The following ATP13A2 variants were observed in gnomAD, a reference collection of about 807,000 sequenced individuals.
The protein encoded by ATP13A2 is polyamine-transporting ATPase 13A2.
ATP13A2 carries 83 observed loss-of-function variants against 138.3 expected under a neutral mutation model. The ratio of observed to expected loss-of-function variants is 0.60; its 90% confidence interval spans 0.50 to 0.72. ATP13A2 has a LOEUF of 0.72. ATP13A2 is among the 30% of genes least tolerant of loss of function. The pLI is 0.00. For synonymous variants in ATP13A2, 663 were observed against 699.0 expected, an observed-to-expected ratio of 0.95 and a Z score of 0.81; for missense variants, 1,402 against 1,606.4, an observed-to-expected ratio of 0.87 and a Z score of 2.17.
chr1:17,010,947 T>C (rs2077763841), intron 1 of ATP13A2, among the ~76,000 whole-genome samples: 2 of 152,274 alleles, frequency 1.3e-5, no homozygotes, highest in South Asian at 4.1e-4. Context: ...GTGAACCATC[T>C]TCCCATCTTT....
chr1:16,994,184 G>GCTCTCTCTCGCTCGCTCTCTCTCTCTCT (rs1553167821), intron 15 of ATP13A2, among the ~76,000 whole-genome samples: 6 of 148,400 alleles, frequency 4.0e-5, no homozygotes, highest in African/African-American at 1.2e-4. Flanking sequence ...CGGTTGGCTC[G>GCTCTCTCTCGCTCGCTCTCTCTCTCTCT]CTCTCTCTCT....
chr1:17,003,219 T>C (rs1336941936), intron 6 of ATP13A2, among the ~76,000 whole-genome samples: 3 of 152,138 alleles, frequency 2.0e-5, no homozygotes. Flanking sequence ...ACAAACTCCC[T>C]GCCCTTGAGC....
chr1:16,996,589 G>T, intron 12 of ATP13A2, 93 bp from the exon 13 acceptor site: 2 of 980,462 alleles, frequency 2.0e-6, no homozygotes, highest in Non-Finnish European at 3.2e-6. Context: ...CTCTGGAGTT[G>T]CAAGACATGA....
rs955054917 is a variant in ATP13A2, at chr1:16,995,665, T to C, written c.1542+311A>G. 2.3e-6 allele frequency: 1 copy of C among 432,980 alleles called. No individual in the cohort carries two copies. Among genetic ancestry groups the C allele is most frequent in the East Asian group, 5.0e-5 (1 of 19,926 alleles). The allele number at this position is 432,980 out of a possible 1,614,324, so 26.8% of individuals were successfully genotyped here. ...TTTGCCATGTTGGTCAGGCTGGTCT[T>C]GAACTCCTGACCTCAAGTGATGTAT... On this transcript the variant is annotated intron_variant, in intron 15 of 28. Transcript: ENST00000326735. The surrounding 1 kb of genome is among the most constrained non-coding windows in gnomAD (Gnocchi z 4.1).
rs2077474158 is a variant in ATP13A2, at chr1:17,004,427, G to A, written c.478-16C>T. On this transcript the variant is annotated splice_polypyrimidine_tract_variant and intron_variant, in intron 5 of 28. Transcript: ENST00000326735. The surrounding 1 kb of genome is among the most constrained non-coding windows in gnomAD (Gnocchi z 4.1). ...GCACCCGCTTCTGGGTGGGAGAGAG[G>A]AGAGGATGGGTTGGAAGCTGGCCCC... 2 of 1,613,812 alleles carry A rather than the reference G, an allele frequency of 1.2e-6. No individual in the cohort carries two copies. Among genetic ancestry groups the A allele is most frequent in the Non-Finnish European group, 1.7e-6 (2 of 1,179,870 alleles).
rs1370116577 is a variant in ATP13A2, at chr1:16,987,233, T to C, written c.2896A>G (p.Ile966Val). 1.9e-6 allele frequency: 3 copies of C among 1,613,832 alleles called. No homozygotes were observed. The highest frequency in any genetic ancestry group is 3.3e-5 in the Admixed American group (2 of 60,016). The change falls in exon 26 of 29, where the codon ATC (isoleucine) becomes GTC (valine). Residue 966 changes from isoleucine (I) to valine (V), a missense_variant. Coordinates refer to ENST00000326735, the MANE Select transcript of ATP13A2 (RefSeq NM_022089.4). The part of the protein sequence containing the change: ...TNLGDLQFLA[I>V]DLVITTTVAV... ...ACTGTGGTGGTGATGACCAGGTCGATGGCCAGGAACTGCAGGTCACCCAGG... is the reference window on the plus strand; with the variant it reads ...ACTGTGGTGGTGATGACCAGGTCGACGGCCAGGAACTGCAGGTCACCCAGG...
intron 11 of ATP13A2, 88 bp downstream of exon 11, chr1:16,999,922 AG>A (rs1456048037): frequency 2.1e-6 from 3 of 1,459,638 alleles, no homozygotes; most frequent in Non-Finnish European, 2.7e-6. Context: ...AAAAAGGAAA[AG>A]GAAACTCAAA....
At position 16,997,160 on chromosome 1, in the gene ATP13A2, A is replaced by C. The variant is rs1216740223; in HGVS notation, c.1055T>G (p.Val352Gly). The change falls in exon 12 of 29, where the codon GTG becomes GGG. Residue 352 changes from valine (V) to glycine (G), a missense_variant. By Grantham distance (109) the Val-to-Gly change is moderately radical. Transcript: ENST00000326735. ...CCCCTCCGGCAGTGCCGTCTTCAGCACTGGAATGCTCTCTCCTGGTGGGGA... is the reference window on the plus strand; with the variant it reads ...CCCCTCCGGCAGTGCCGTCTTCAGCCCTGGAATGCTCTCTCCTGGTGGGGA... ...ESSLTGESIP[V>G]LKTALPEGLG... The C allele has an allele frequency of 1.9e-6, 3 of 1,613,524 alleles. No homozygotes were observed. Among genetic ancestry groups the C allele is most frequent in the Middle Eastern group, 1.7e-4 (1 of 6,056 alleles).
intron 1 of ATP13A2, among the ~76,000 whole-genome samples, chr1:17,007,857 T>C (rs1457397889): frequency 4.6e-5 from 7 of 151,634 alleles, no homozygotes; most frequent in African/African-American, 1.7e-4. Flanking sequence ...GGCGAGCCCT[T>C]CTAAAATTTC....
In ATP13A2 at chr1:16,996,019, C is replaced by A. The variant is rs759299413; in HGVS notation, c.1499G>T (p.Arg500Leu). ...RQGIFCIHPL[R>L]INLGGKLQLV... ...CTGCAGCTTGCCCCCCAGGTTGATG[C>A]GCAGTGGGTGGATGCAGAAAATGCC... Residue 500 changes from arginine to leucine, a missense_variant, in exon 15 of 29, where the codon CGC (arginine) becomes CTC (leucine). Physicochemically the swap from Arg to Leu is moderately radical, Grantham distance 102. Coordinates refer to ENST00000326735, the MANE Select transcript of ATP13A2 (RefSeq NM_022089.4). 4 of 1,614,088 alleles carry A rather than the reference C, an allele frequency of 2.5e-6. No homozygotes were observed. The highest frequency in any genetic ancestry group is 3.4e-6 in the Non-Finnish European group (4 of 1,180,038).
At chr1:17,003,058 C>G (rs537596430) in intron 6 of ATP13A2, among the ~76,000 whole-genome samples, 1 of 152,280 alleles carries the variant, frequency 6.6e-6, no homozygotes, top group Non-Finnish European at 1.5e-5. Flanking sequence ...TCCTCACTCC[C>G]TGTGTGAGGT....
chr1:16,986,714 C>T lies in ATP13A2; in HGVS notation c.3236-82G>A, dbSNP rs560436144. On this transcript the variant is annotated intron_variant, in intron 27 of 28. Transcript: ENST00000326735. The surrounding 1 kb of genome is among the most constrained non-coding windows in gnomAD (Gnocchi z 6.9). ...CACGTGTGCACGCCAGTCTTCCACT[C>T]GGCCGGCACCTCTCTCCCATCTGCC... is the stretch of plus-strand genomic sequence containing the variant. 458 of 1,569,366 alleles carry T rather than the reference C, an allele frequency of 2.9e-4. 1 individual carries two copies. In the African/African-American group the frequency reaches 5.5e-3, roughly 19 times the overall value.
Position 16,986,689 on chromosome 1 carries a change from C to T in ATP13A2, c.3236-57G>A. On this transcript the variant is annotated intron_variant, in intron 27 of 28. Transcript: ENST00000326735. This position sits in a 1 kb window ranked among gnomAD's most constrained non-coding sequence, Gnocchi z 6.9. ...CACGCCCCCCCGGCACCCACAGACACACGTGTGCACGCCAGTCTTCCACTC... is the reference window on the plus strand; with the variant it reads ...CACGCCCCCCCGGCACCCACAGACATACGTGTGCACGCCAGTCTTCCACTC... 1.9e-6 allele frequency: 3 copies of T among 1,570,148 alleles called. No homozygotes were observed. Among genetic ancestry groups the T allele is most frequent in the Non-Finnish European group, 2.6e-6 (3 of 1,162,508 alleles).
In ATP13A2 at chr1:17,005,009, C is replaced by T. The variant is rs764094548; in HGVS notation, c.347+5G>A. The T allele has an allele frequency of 6.2e-7, 1 of 1,613,864 alleles. No homozygotes were observed. Among genetic ancestry groups the T allele is most frequent in the Non-Finnish European group, 8.5e-7 (1 of 1,179,976 alleles). On this transcript the variant is annotated splice_donor_5th_base_variant and intron_variant, in intron 4 of 28. Transcript: ENST00000326735. Reference sequence around the variant, plus strand: ...TTCTGGGAAGGGGCAATGGGGCTGCCTCACCTGCCCTCGCCGATGGCCTCA... The same window carrying T: ...TTCTGGGAAGGGGCAATGGGGCTGCTTCACCTGCCCTCGCCGATGGCCTCA...
rs770434494 is a variant in ATP13A2 at position 16,989,776 on chromosome 1, A to G, written c.2530-6T>C. On this transcript the variant is annotated splice_region_variant and splice_polypyrimidine_tract_variant and intron_variant, in intron 22 of 28. Transcript: ENST00000326735. Reference sequence around the variant, plus strand: ...ACAGTGCCCTGGACCAGGACCTGGGAGCACAGGGAGATGGGGGAGGGCTGA... The same window carrying G: ...ACAGTGCCCTGGACCAGGACCTGGGGGCACAGGGAGATGGGGGAGGGCTGA... 4 of 1,613,826 alleles carry G rather than the reference A, an allele frequency of 2.5e-6. No homozygotes were observed. The East Asian group carries it at 8.9e-5, about 36-fold the overall frequency.
chr1:16,996,708 C>A, intron 12 of ATP13A2: 1 of 619,090 alleles, frequency 1.6e-6, no homozygotes. Context: ...CATCTAAACA[C>A]TGGGTGGTTC....
At position 16,993,713 on chromosome 1, in the gene ATP13A2, C is replaced by T. The variant is rs2100816612; in HGVS notation, c.1665G>A (p.Leu555=). 6.3e-7 allele frequency: 1 copy of T among 1,593,914 alleles called. No homozygotes were observed. The highest frequency in any genetic ancestry group is 8.5e-7 in the Non-Finnish European group (1 of 1,171,004). The change falls in exon 16 of 29, where the codon CTG becomes CTA. Residue 555 remains leucine (L), a synonymous_variant. Transcript: ENST00000326735. ...RLPVGPLLRA[L]ATCHALSRLQ... ...GCCGGCTGAGGGCATGGCAGGTGGC[C>T]AGTGCTCGGAGCAGGGGCCCCACAG...
rs1264954026 is a variant in ATP13A2 at position 17,011,286 on chromosome 1, C to G, written c.10+443G>C. 1.3e-5 allele frequency among the ~76,000 whole-genome samples: 2 copies of G among 152,192 alleles called. No individual in the cohort carries two copies. The highest frequency in any genetic ancestry group is 3.9e-4 in the East Asian group (2 of 5,148). On this transcript the variant is annotated intron_variant, in intron 1 of 28. Transcript: ENST00000326735. The surrounding 1 kb of genome is among the most constrained non-coding windows in gnomAD (Gnocchi z 7.3). The stretch of plus-strand genomic sequence containing the variant: ...CCCAGGAAATGGAGTCCCGACTCCC[C>G]CAACGCCATTCATTCATTCATTCAG...
intron 1 of ATP13A2, among the ~76,000 whole-genome samples, chr1:17,009,991 C>T (rs1188225804): frequency 6.6e-6 from 1 of 152,176 alleles, no homozygotes; most frequent in Non-Finnish European, 1.5e-5. Context: ...CTTCTGTGGG[C>T]TCAGACCAGC....
Sources: gnomAD v4.1 joint callset for allele counts (sites outside exome capture counted in the v4.1 genomes callset) on GRCh38, gnomAD v4.1.1 for gene constraint, Gnocchi (gnomAD v3.1) non-coding constraint, MANE v1.5 for transcripts, NCBI Gene and HGNC (gene_info 2026-07-23, HGNC 2026-07-21) for gene names.